Variants in NALF1 observed in about 807,000 individuals in gnomAD.
The protein encoded by NALF1 is NALCN channel auxiliary factor 1.
In NALF1, 3 loss-of-function variants were observed where a neutral mutation model predicts 48.4. The observed-to-expected ratio is 0.06, with a 90% CI of 0.03 to 0.16. The LOEUF is 0.16. Ranked by LOEUF, NALF1 falls within the 10% of genes least tolerant of loss-of-function variation. The pLI is 1.00. For synonymous variants in NALF1, 262 were observed against 245.7 expected, an observed-to-expected ratio of 1.07 and a Z score of -0.62; for missense variants, 526 against 571.5, an observed-to-expected ratio of 0.92 and a Z score of 0.81.
At chr13:107,513,007 C>A (rs1875945567) in intron 1 of NALF1, among the ~76,000 whole-genome samples, 1 of 152,116 alleles carries the variant, frequency 6.6e-6, no homozygotes, top group South Asian at 2.1e-4. Flanking sequence ...CCACCTATTA[C>A]AATAGACATC....
chr13:107,274,371 G>T (rs1881236404), intron 1 of NALF1, among the ~76,000 whole-genome samples: 1 of 152,096 alleles, frequency 6.6e-6, no homozygotes, highest in Non-Finnish European at 1.5e-5. Flanking sequence ...AGGAGTTTAA[G>T]ATCAACCTGG....
chr13:107,265,707 AC>A (rs1881025161), intron 1 of NALF1, among the ~76,000 whole-genome samples: 1 of 149,910 alleles, frequency 6.7e-6, no homozygotes, highest in Non-Finnish European at 1.5e-5. Context: ...TGCCTGGCCT[AC>A]TTTTTTTTTT....
At chr13:107,262,699 A>AT (rs781498396) in intron 1 of NALF1, among the ~76,000 whole-genome samples, 37 of 151,152 alleles carry the variant, frequency 2.4e-4, no homozygotes, top group Non-Finnish European at 4.7e-4. Flanking sequence ...TAGATGCTCC[A>AT]TTTTTTCCCC....
At chr13:107,860,660 G>A (rs1880548184) in intron 1 of NALF1, among the ~76,000 whole-genome samples, 3 of 152,302 alleles carry the variant, frequency 2.0e-5, no homozygotes, top group African/African-American at 7.2e-5. Context: ...AATATTTGGT[G>A]CTTAGTCATT....
At chr13:107,364,153 A>G (rs777714531) in intron 1 of NALF1, among the ~76,000 whole-genome samples, 5 of 152,228 alleles carry the variant, frequency 3.3e-5, no homozygotes, top group Non-Finnish European at 7.3e-5. Flanking sequence ...CTTTTTATTA[A>G]ACAATTATAG....
intron 1 of NALF1, among the ~76,000 whole-genome samples, chr13:107,215,719 C>T (rs986492990): frequency 6.6e-6 from 1 of 152,094 alleles, no homozygotes; most frequent in Non-Finnish European, 1.5e-5. Context: ...AACAATGGTG[C>T]CATATAGACA....
chr13:107,331,828 A>G (rs1882475046), intron 1 of NALF1, among the ~76,000 whole-genome samples: 1 of 152,120 alleles, frequency 6.6e-6, no homozygotes, highest in African/African-American at 2.4e-5. Flanking sequence ...GAGAATCAAA[A>G]TGTTTATAAA....
chr13:107,844,733 A>G (rs1880126877), intron 1 of NALF1, among the ~76,000 whole-genome samples: 1 of 152,162 alleles, frequency 6.6e-6, no homozygotes, highest in Non-Finnish European at 1.5e-5. Flanking sequence ...CTTTTTCCCT[A>G]GTTCAAACAA....
At chr13:107,670,573 G>A (rs1880967213) in intron 1 of NALF1, among the ~76,000 whole-genome samples, 1 of 152,076 alleles carries the variant, frequency 6.6e-6, no homozygotes, top group Admixed American at 6.6e-5. Flanking sequence ...GACATAGCCT[G>A]GTTGTTTTGT....
chr13:107,731,752 C>T (rs1046790782), intron 1 of NALF1, among the ~76,000 whole-genome samples: 15 of 152,146 alleles, frequency 9.9e-5, no homozygotes, highest in African/African-American at 2.7e-4. Context: ...TTTATGACTG[C>T]GTAGTATTCC....
intron 1 of NALF1, among the ~76,000 whole-genome samples, chr13:107,336,469 C>A (rs1055017914): frequency 6.6e-6 from 1 of 151,864 alleles, no homozygotes; most frequent in Non-Finnish European, 1.5e-5. Context: ...TAGTTGAATT[C>A]TTATCTATAT....
chr13:107,655,697 T>A lies in NALF1; in HGVS notation c.915+209985A>T, dbSNP rs1479941605. On this transcript the variant is annotated intron_variant, in intron 1 of 2. Transcript: ENST00000375915. ...CATGGAACCAGAAAAACAGCCTACA[T>A]AACCAAAGCAAGACTAAGAAAAAAA... 2.0e-5 allele frequency among the ~76,000 whole-genome samples: 3 copies of A among 151,746 alleles called. No homozygotes were observed. The East Asian group carries it at 5.8e-4, about 29-fold the overall frequency.
chr13:107,657,708 A>T (rs1171338174), intron 1 of NALF1, among the ~76,000 whole-genome samples: 1 of 152,150 alleles, frequency 6.6e-6, no homozygotes. Context: ...GCCCACTCCT[A>T]ATTCCATCTA....
chr13:107,771,047 TTTCATTTG>T (rs1392589725), intron 1 of NALF1, among the ~76,000 whole-genome samples: 1,576 of 152,286 alleles, frequency 0.01, 30 homozygotes, highest in African/African-American at 0.033. Flanking sequence ...CATAAAACAA[TTTCATTTG>T]AAATTGTATG....
intron 1 of NALF1, among the ~76,000 whole-genome samples, chr13:107,761,877 T>C (rs565920425): frequency 6.6e-6 from 1 of 152,304 alleles, no homozygotes; most frequent in South Asian, 2.1e-4. Flanking sequence ...ATAATCATAG[T>C]ACCTACTGCA....
intron 1 of NALF1, among the ~76,000 whole-genome samples, chr13:107,409,806 G>C (rs1436506938): frequency 4.6e-5 from 7 of 152,136 alleles, no homozygotes; most frequent in African/African-American, 1.7e-4. Context: ...ATCTCGATTA[G>C]TCTGAAATAC....
intron 1 of NALF1, among the ~76,000 whole-genome samples, chr13:107,538,997 G>C (rs1876922203): frequency 6.7e-6 from 1 of 149,568 alleles, no homozygotes; most frequent in Admixed American, 6.6e-5. Flanking sequence ...TATCTATTTA[G>C]TATTTATCTC....
intron 1 of NALF1, among the ~76,000 whole-genome samples, chr13:107,558,687 G>A (rs575986091): frequency 6.6e-6 from 1 of 152,084 alleles, no homozygotes; most frequent in African/African-American, 2.4e-5. Flanking sequence ...CCAGATCACG[G>A]GTAAAACATG....
At chr13:107,436,273 AG>A (rs1291013973) in intron 1 of NALF1, among the ~76,000 whole-genome samples, 2 of 152,246 alleles carry the variant, frequency 1.3e-5, no homozygotes, top group Non-Finnish European at 2.9e-5. Context: ...GAGAAAATAA[AG>A]GAAGTAAACA....
Sources: gnomAD v4.1 joint callset for allele counts (sites outside exome capture counted in the v4.1 genomes callset) on GRCh38, gnomAD v4.1.1 for gene constraint, MANE v1.5 for transcripts, NCBI Gene and HGNC (gene_info 2026-07-23, HGNC 2026-07-21) for gene names.